TENM3: variants seen among roughly 807,000 people sequenced by gnomAD.
TENM3 encodes teneurin transmembrane protein 3.
In TENM3, 63 loss-of-function variants were observed where a neutral mutation model predicts 255.1. The ratio of observed to expected loss-of-function variants is 0.25; its 90% CI spans 0.20 to 0.30. The LOEUF is 0.30. Among genes scored for constraint, TENM3 ranks in the 10% least tolerant of loss-of-function variants. TENM3 has a pLI of 1.00. For synonymous variants in TENM3, 1,306 were observed against 1,322.3 expected (o/e 0.99, Z 0.27); for missense variants, 2,929 against 3,461.1 (o/e 0.85, Z 3.86).
At chr4:181,748,957 CAT>C in the TENM3 span, among the ~76,000 whole-genome samples, 3 of 152,090 alleles carry the variant, frequency 2.0e-5, no homozygotes, top group Non-Finnish European at 4.4e-5. Context: ...ATAAGTCAAA[CAT>C]ATTTTTTAAA....
chr4:182,009,310 C>T, the TENM3 span, among the ~76,000 whole-genome samples: 1 of 152,090 alleles, frequency 6.6e-6, no homozygotes, highest in Non-Finnish European at 1.5e-5. Context: ...TCAAGGCTGC[C>T]CAGATTCCTC....
chr4:182,001,591 A>AGCT, the TENM3 span, among the ~76,000 whole-genome samples: 1 of 152,254 alleles, frequency 6.6e-6, no homozygotes, highest in East Asian at 1.9e-4. Flanking sequence ...AGTAAATTAT[A>AGCT]GCTTCCATCA....
At chr4:181,814,634 T>C in the TENM3 span, among the ~76,000 whole-genome samples, 3 of 151,894 alleles carry the variant, frequency 2.0e-5, no homozygotes, top group African/African-American at 4.8e-5. Context: ...CAAAAATCCA[T>C]AGTTTATTTG....
the TENM3 span, among the ~76,000 whole-genome samples, chr4:181,659,456 T>C: frequency 6.6e-6 from 1 of 152,162 alleles, no homozygotes; most frequent in African/African-American, 2.4e-5. Context: ...AACAATTCTA[T>C]GGGGAATAGA....
At chr4:182,389,689 C>CTTTTTTTTT (rs1561396800) in intron 3 of TENM3, among the ~76,000 whole-genome samples, 1 of 9,902 alleles carries the variant, frequency 1.0e-4, no homozygotes, top group African/African-American at 2.3e-4. Context: ...CAGTAGATGA[C>CTTTTTTTTT]TCTTTTTTTT....
At chr4:182,552,297 T>C (rs1008711390) in intron 3 of TENM3, among the ~76,000 whole-genome samples, 1 of 152,158 alleles carries the variant, frequency 6.6e-6, no homozygotes, top group Non-Finnish European at 1.5e-5. Context: ...AGAAAAAAAG[T>C]TAACTCTTGA....
the TENM3 span, chr4:181,975,135 CTT>C: frequency 1.3e-4 from 15 of 119,304 alleles, no homozygotes; most frequent in Admixed American, 2.7e-4. Flanking sequence ...TGGAGTAGCT[CTT>C]TTTTTTTTTT....
At chr4:181,540,786 G>A in the TENM3 span, among the ~76,000 whole-genome samples, 1 of 152,032 alleles carries the variant, frequency 6.6e-6, no homozygotes, top group Non-Finnish European at 1.5e-5. Context: ...CTCAGGGGAC[G>A]TGATGCCTAA....
chr4:182,757,495 T>C (rs1280606159), intron 22 of TENM3, among the ~76,000 whole-genome samples: 1 of 152,148 alleles, frequency 6.6e-6, no homozygotes, highest in African/African-American at 2.4e-5. Flanking sequence ...GTTCATTGTA[T>C]GGATTAGTGC....
intron 1 of TENM3, among the ~76,000 whole-genome samples, chr4:182,290,880 G>A (rs2150322607): frequency 6.6e-6 from 1 of 151,500 alleles, no homozygotes; most frequent in East Asian, 1.9e-4. Context: ...GAGTGCGGTG[G>A]CACAATCTCT....
At chr4:182,103,187 C>T in the TENM3 span, among the ~76,000 whole-genome samples, 12 of 152,198 alleles carry the variant, frequency 7.9e-5, no homozygotes, top group Non-Finnish European at 1.6e-4. Flanking sequence ...AAGAAGTAGG[C>T]TCACCAGCTA....
intron 3 of TENM3, among the ~76,000 whole-genome samples, chr4:182,526,301 A>G (rs1439301162): frequency 1.3e-5 from 2 of 152,060 alleles, no homozygotes; most frequent in East Asian, 1.9e-4. Context: ...TTTCTTATGT[A>G]TCTCGTAGAG....
At chr4:182,719,170 G>T (rs1579223828) in intron 13 of TENM3, among the ~76,000 whole-genome samples, 1 of 149,158 alleles carries the variant, frequency 6.7e-6, no homozygotes, top group South Asian at 2.1e-4. Context: ...ACTAAACTTT[G>T]TGCAAGAATG....
intron 1 of TENM3, among the ~76,000 whole-genome samples, chr4:182,256,015 C>A (rs1758367950): frequency 6.6e-6 from 1 of 152,166 alleles, no homozygotes; most frequent in African/African-American, 2.4e-5. Flanking sequence ...TTTCTGCAAT[C>A]CCATTAAGGG....
chr4:181,904,744 C>G, the TENM3 span, among the ~76,000 whole-genome samples: 1 of 152,138 alleles, frequency 6.6e-6, no homozygotes, highest in Non-Finnish European at 1.5e-5. Flanking sequence ...TCTCTTTGTT[C>G]CAAGCTATAT....
the TENM3 span, among the ~76,000 whole-genome samples, chr4:181,887,253 A>AT: frequency 0.35 from 51,566 of 148,402 alleles, 9,018 homozygotes; most frequent in Middle Eastern, 0.45. Flanking sequence ...TACCTGTGTG[A>AT]TTTTTTTTTT....
chr4:181,471,880 G>C, the TENM3 span, among the ~76,000 whole-genome samples: 1 of 152,212 alleles, frequency 6.6e-6, no homozygotes, highest in East Asian at 1.9e-4. Flanking sequence ...TATTTTTATG[G>C]ACAGTCATGC....
chr4:182,191,637 A>G (rs1344325369), intron 1 of TENM3, among the ~76,000 whole-genome samples: 1 of 152,108 alleles, frequency 6.6e-6, no homozygotes. Context: ...CCATTACATC[A>G]TATGTACTAA....
At chr4:182,411,617 T>C (rs1160981607) in intron 3 of TENM3, among the ~76,000 whole-genome samples, 2 of 152,160 alleles carry the variant, frequency 1.3e-5, no homozygotes, top group Admixed American at 6.5e-5. Flanking sequence ...ATGATGCTAA[T>C]GCAAGTGCTC....
Sources: gnomAD v4.1 joint callset for allele counts (sites outside exome capture counted in the v4.1 genomes callset) on GRCh38, gnomAD v4.1.1 for gene constraint, MANE v1.5 for transcripts, NCBI Gene and HGNC (gene_info 2026-07-23, HGNC 2026-07-21) for gene names.